The following ADCY3 variants were observed in gnomAD, a reference collection of about 807,000 sequenced individuals.
ADCY3 encodes adenylate cyclase 3.
Under a neutral mutation model 119.4 loss-of-function variants are expected in ADCY3, and 70 were observed. The ratio of observed to expected loss-of-function variants is 0.59; its 90% CI spans 0.48 to 0.72. The LOEUF (loss-of-function observed/expected upper bound fraction) is 0.72. Ranked by LOEUF, ADCY3 falls within the 30% of genes least tolerant of loss-of-function variation. The pLI, the probability that ADCY3 is intolerant of heterozygous loss-of-function variation, is 0.00. For synonymous variants in ADCY3, 672 were observed against 621.4 expected (o/e 1.08, Z -1.21); for missense variants, 1,238 against 1,541.6 (o/e 0.80, Z 3.30).
rs777964301 is a variant in ADCY3, at chr2:24,918,528, A to G, written c.460T>C (p.Tyr154His). The G allele has an allele frequency of 6.2e-7, 1 of 1,613,940 alleles. No homozygotes were observed. Among genetic ancestry groups the G allele is most frequent in the East Asian group, 2.2e-5 (1 of 44,882 alleles). ...WLLITAQIFS[Y>H]LGLNFARAHA... ...GCACGCGCGAAGTTCAGGCCCAGGT[A>G]GGAGAAGATCTGGGCGGTTATGAGC... The change falls in exon 2 of 22, where the codon TAC (tyrosine) becomes CAC (histidine). Residue 154 changes from tyrosine (Y) to histidine (H), a missense_variant. Physicochemically the swap from Tyr to His is moderately conservative, Grantham distance 83. This residue lies in a region of ADCY3 where 227 missense variants were observed against 249.3 expected (regional missense o/e 0.91). Transcript: ENST00000679454. The surrounding 1 kb of genome is among the most constrained non-coding windows in gnomAD (Gnocchi z 5.4).
At chr2:24,886,735 G>A (rs1438794503) in intron 2 of ADCY3, among the ~76,000 whole-genome samples, 3 of 152,248 alleles carry the variant, frequency 2.0e-5, no homozygotes, top group Admixed American at 1.3e-4. Context: ...CTGGTTCCGG[G>A]CGATGCCCAC....
At chr2:24,847,089 A>C (rs1470182619) in intron 3 of ADCY3, among the ~76,000 whole-genome samples, 1 of 152,186 alleles carries the variant, frequency 6.6e-6, no homozygotes, top group Non-Finnish European at 1.5e-5. Flanking sequence ...CCAAATCTCA[A>C]CTTGAATTCT....
intron 2 of ADCY3, among the ~76,000 whole-genome samples, chr2:24,881,014 C>CAAA (rs35610206): frequency 7.4e-6 from 1 of 135,372 alleles, no homozygotes; most frequent in Non-Finnish European, 1.6e-5. Context: ...GACTCCACCT[C>CAAA]AAAAAAAAAA....
At chr2:24,880,797 C>A (rs1350167100) in intron 2 of ADCY3, among the ~76,000 whole-genome samples, 1 of 152,148 alleles carries the variant, frequency 6.6e-6, no homozygotes, top group African/African-American at 2.4e-5. Context: ...GGGTGGATCA[C>A]CTGAGGTCAG....
chr2:24,830,190 A>C, intron 13 of ADCY3, among the ~76,000 whole-genome samples: 1 of 151,142 alleles, frequency 6.6e-6, no homozygotes, highest in Non-Finnish European at 1.5e-5. Context: ...ACAGGTGTGC[A>C]CCACCATGCC....
In ADCY3 at chr2:24,823,492, ATT is replaced by A. The variant is rs5829941; in HGVS notation, c.2737-139_2737-138del. 1,721 of 657,894 alleles carry A rather than the reference ATT, an allele frequency of 2.6e-3. 1 individual carries two copies. Among genetic ancestry groups the A allele is most frequent in the African/African-American group, 7.2e-3 (367 of 50,936 alleles). The allele number at this position is 657,894 out of a possible 1,614,324, so 40.8% of individuals were successfully genotyped here. On this transcript the variant is annotated intron_variant, in intron 17 of 21. Transcript: ENST00000679454. Reference sequence around the variant, plus strand: ...CACACATCAGTCAGATTATTCCAGCATTTTTTTTTTTTTTTTTAAGAGTGGGT... The same window carrying A: ...CACACATCAGTCAGATTATTCCAGCATTTTTTTTTTTTTTTAAGAGTGGGT...
chr2:24,823,342 T>G lies in ADCY3; in HGVS notation c.2750A>C (p.Gln917Pro). 6.2e-7 allele frequency: 1 copy of G among 1,612,916 alleles called. No homozygotes were observed. Among genetic ancestry groups the G allele is most frequent in the Non-Finnish European group, 8.5e-7 (1 of 1,179,658 alleles). The change falls in exon 18 of 22, where the codon CAG becomes CCG. Residue 917 changes from glutamine to proline, a missense_variant. Coordinates refer to ENST00000679454, the MANE Select transcript of ADCY3 (RefSeq NM_004036.5). Reference sequence around the variant, plus strand: ...CATGACTCCAATCTCATCATACGTCTGGCTATACAGCTCCTAAAAAGAGGT... The same window carrying G: ...CATGACTCCAATCTCATCATACGTCGGGCTATACAGCTCCTAAAAAGAGGT... ...SKKRDEELYS[Q>P]TYDEIGVMFA...
chr2:24,841,976 C>T lies in ADCY3; in HGVS notation c.956+278G>A, dbSNP rs1183488520. On this transcript the variant is annotated intron_variant, in intron 4 of 21. Coordinates refer to ENST00000679454, the MANE Select transcript of ADCY3 (RefSeq NM_004036.5). This position sits in a 1 kb window ranked among gnomAD's most constrained non-coding sequence, Gnocchi z 5.8. ...GAATCACAGGTCAGGGCTCTAGCCC[C>T]AGTGCTGGCCCTCAACAGCTGGGTG... Among the ~76,000 whole-genome samples, 1 of 152,358 alleles carries T rather than the reference C, an allele frequency of 6.6e-6. No homozygotes were observed. Among genetic ancestry groups the T allele is most frequent in the South Asian group, 2.1e-4 (1 of 4,832 alleles).
intron 3 of ADCY3, among the ~76,000 whole-genome samples, chr2:24,853,049 T>TA (rs1672563745): frequency 7.8e-6 from 1 of 128,614 alleles, no homozygotes; most frequent in African/African-American, 3.1e-5. Context: ...TGTGTGTGTG[T>TA]GTGTGTGTGT....
intron 2 of ADCY3, among the ~76,000 whole-genome samples, chr2:24,905,292 C>A (rs959130876): frequency 1.3e-5 from 2 of 152,062 alleles, no homozygotes; most frequent in Non-Finnish European, 2.9e-5. Context: ...CACCACCACA[C>A]CCGGCTGATT....
intron 3 of ADCY3, among the ~76,000 whole-genome samples, chr2:24,849,830 T>G (rs1672090406): frequency 6.6e-6 from 1 of 152,126 alleles, no homozygotes; most frequent in East Asian, 1.9e-4. Flanking sequence ...TCAGGGCCTC[T>G]GGCAACCGCC....
intron 2 of ADCY3, among the ~76,000 whole-genome samples, chr2:24,903,583 C>T (rs1371520218): frequency 8.5e-5 from 13 of 152,052 alleles, no homozygotes; most frequent in Admixed American, 7.9e-4. Flanking sequence ...GACTAAGTGA[C>T]ATAATGAGAT....
chr2:24,821,031 T>A (rs928410394), intron 20 of ADCY3, 183 bp from the exon 21 acceptor site: 41 of 876,466 alleles, frequency 4.7e-5, no homozygotes, highest in Non-Finnish European at 6.5e-5. Flanking sequence ...CGTGTGCTTG[T>A]TAGGTGTCAG....
chr2:24,827,749 G>T, intron 14 of ADCY3, 141 bp from the exon 15 acceptor site: 1 of 1,412,330 alleles, frequency 7.1e-7, no homozygotes, highest in Non-Finnish European at 9.8e-7. Flanking sequence ...ACAGTGATAC[G>T]TCTGTGAGCA....
At chr2:24,855,190 TC>T (rs58125520) in intron 3 of ADCY3, among the ~76,000 whole-genome samples, 44,687 of 135,932 alleles carry the variant, frequency 0.33, 6,958 homozygotes, top group African/African-American at 0.41. Context: ...TAGCCCCAGG[TC>T]CCCCCCACCC....
chr2:24,826,951 G>T (rs920339247), intron 15 of ADCY3, among the ~76,000 whole-genome samples: 1 of 152,198 alleles, frequency 6.6e-6, no homozygotes, highest in African/African-American at 2.4e-5. Flanking sequence ...GTACGTGTGT[G>T]ATGGTATCTC....
intron 2 of ADCY3, among the ~76,000 whole-genome samples, chr2:24,874,906 C>A (rs1675483066): frequency 6.6e-6 from 1 of 152,232 alleles, no homozygotes; most frequent in African/African-American, 2.4e-5. Flanking sequence ...TAGGAGGTCA[C>A]CAGGCATGAG....
chr2:24,856,291 TTGTC>T (rs891183702), intron 3 of ADCY3, among the ~76,000 whole-genome samples: 5 of 151,994 alleles, frequency 3.3e-5, no homozygotes, highest in Admixed American at 2.6e-4. Flanking sequence ...TGAAGTCTGT[TTGTC>T]TGTAGGGTAG....
chr2:24,856,312 CCATGTGTGTT>C (rs1672998407), intron 3 of ADCY3, among the ~76,000 whole-genome samples: 1 of 152,140 alleles, frequency 6.6e-6, no homozygotes, highest in Non-Finnish European at 1.5e-5. Context: ...GTAGGTGTGT[CCATGTGTGTT>C]CATGTGTTCT....
Sources: gnomAD v4.1 joint callset for allele counts (sites outside exome capture counted in the v4.1 genomes callset) on GRCh38, gnomAD v4.1.1 for gene constraint, gnomAD v4.1.1 regional missense constraint, Gnocchi (gnomAD v3.1) non-coding constraint, MANE v1.5 for transcripts, NCBI Gene and HGNC (gene_info 2026-07-23, HGNC 2026-07-21) for gene names.